The following SATB2 variants were observed in gnomAD, a reference collection of about 807,000 sequenced individuals.
SATB2 encodes SATB homeobox 2.
SATB2 carries 1 observed loss-of-function variant against 73.4 expected under a neutral mutation model. The observed-to-expected ratio is 0.01, with a 90% confidence interval of 0.00 to 0.06. SATB2 has a LOEUF of 0.06. Ranked by LOEUF, SATB2 falls within the 10% of genes least tolerant of loss-of-function variation. The pLI is 1.00. For missense variants in SATB2, 459 were observed against 945.8 expected, an observed-to-expected ratio of 0.49 and a Z score of 6.75; for synonymous variants, 397 against 367.0, an observed-to-expected ratio of 1.08 and a Z score of -0.93.
chr2:199,292,025 A>T (rs893444495), intron 10 of SATB2, among the ~76,000 whole-genome samples: 1 of 152,266 alleles, frequency 6.6e-6, no homozygotes, highest in Admixed American at 6.5e-5. Flanking sequence ...ATTTAATGAG[A>T]TATTTTGAAA....
At chr2:199,418,403 C>T (rs1447810123) in intron 3 of SATB2, among the ~76,000 whole-genome samples, 1 of 152,148 alleles carries the variant, frequency 6.6e-6, no homozygotes, top group Admixed American at 6.5e-5. Context: ...ATTGCTTATC[C>T]ACTTCTTAGG....
chr2:199,339,720 T>A (rs1244787434), intron 7 of SATB2, among the ~76,000 whole-genome samples: 1 of 152,150 alleles, frequency 6.6e-6, no homozygotes, highest in Non-Finnish European at 1.5e-5. Context: ...GCTGACAGAA[T>A]TCTGAATACC....
At chr2:199,426,493 G>C (rs1210537843) in intron 3 of SATB2, among the ~76,000 whole-genome samples, 1 of 151,372 alleles carries the variant, frequency 6.6e-6, no homozygotes, top group East Asian at 2.0e-4. Context: ...TTGGCCATCT[G>C]GTCATGTTGG....
chr2:199,351,028 C>CT (rs1688801209), intron 6 of SATB2, among the ~76,000 whole-genome samples: 4 of 114,676 alleles, frequency 3.5e-5, no homozygotes, highest in Non-Finnish European at 6.9e-5. Context: ...GACTCTGTCT[C>CT]CAAAAAAAAA....
upstream of SATB2, among the ~76,000 whole-genome samples, chr2:199,461,720 G>T (rs1015122671): frequency 6.6e-6 from 1 of 152,144 alleles, no homozygotes; most frequent in Non-Finnish European, 1.5e-5. Flanking sequence ...TTAGTAAAAG[G>T]CCGCCTGTTT....
chr2:199,346,213 A>T (rs1195830491), intron 7 of SATB2, among the ~76,000 whole-genome samples: 1 of 150,824 alleles, frequency 6.6e-6, no homozygotes, highest in Non-Finnish European at 1.5e-5. Context: ...GCAGTGGCGC[A>T]ATCTCGGCTC....
At chr2:199,411,565 TGAAG>T (rs1290653709) in intron 3 of SATB2, among the ~76,000 whole-genome samples, 1 of 152,198 alleles carries the variant, frequency 6.6e-6, no homozygotes, top group Non-Finnish European at 1.5e-5. Flanking sequence ...ACAGATAAAC[TGAAG>T]TTCATGGAGG....
At chr2:199,361,300 C>T (rs1689129898) in intron 6 of SATB2, among the ~76,000 whole-genome samples, 1 of 152,004 alleles carries the variant, frequency 6.6e-6, no homozygotes, top group African/African-American at 2.4e-5. Flanking sequence ...ATTCTGCTTG[C>T]ATGTCTCTTT....
intron 10 of SATB2, among the ~76,000 whole-genome samples, chr2:199,288,626 T>C (rs1251244492): frequency 2.0e-5 from 3 of 151,926 alleles, no homozygotes; most frequent in Non-Finnish European, 4.4e-5. Context: ...CCTCAGCATA[T>C]TTTTTGCTTT....
chr2:199,288,538 A>C (rs36011427), intron 10 of SATB2, among the ~76,000 whole-genome samples: 18,209 of 152,176 alleles, frequency 0.12, 1,198 homozygotes, highest in South Asian at 0.19. Flanking sequence ...TAATTTTTAC[A>C]GTTGGGGTAC....
chr2:199,340,448 C>A (rs974913895), intron 7 of SATB2, among the ~76,000 whole-genome samples: 8 of 152,096 alleles, frequency 5.3e-5, no homozygotes, highest in African/African-American at 1.9e-4. Context: ...AAATTAGAGA[C>A]TTACTGTTAC....
At chr2:199,394,018 T>C (rs1690226886) in intron 3 of SATB2, among the ~76,000 whole-genome samples, 1 of 152,178 alleles carries the variant, frequency 6.6e-6, no homozygotes, top group African/African-American at 2.4e-5. Context: ...TAAATATAAT[T>C]GTATTCATTA....
At chr2:199,458,484 G>A (rs984263712), upstream of SATB2, 5 of 390,976 alleles carry the variant, frequency 1.3e-5, no homozygotes, top group Admixed American at 2.9e-5. Context: ...CGGCCAGCGG[G>A]TGGGTGCGTC....
chr2:199,372,529 T>C (rs753452915), intron 5 of SATB2, among the ~76,000 whole-genome samples: 14 of 152,174 alleles, frequency 9.2e-5, no homozygotes, highest in Non-Finnish European at 1.8e-4. Context: ...CATGGTTCCA[T>C]TTTCAAACTG....
At chr2:199,413,274 A>G (rs1574605042) in intron 3 of SATB2, among the ~76,000 whole-genome samples, 2 of 152,202 alleles carry the variant, frequency 1.3e-5, no homozygotes, top group South Asian at 4.1e-4. Flanking sequence ...AATTTTATAG[A>G]TAAGAAAACT....
rs1182021229 is a variant in SATB2, at chr2:199,455,444, T to A, written c.169+425A>T. 6.6e-6 allele frequency among the ~76,000 whole-genome samples: 1 copy of A among 152,214 alleles called. No individual in the cohort carries two copies. The highest frequency in any genetic ancestry group is 2.4e-5 in the African/African-American group (1 of 41,448). On this transcript the variant is annotated intron_variant, in intron 2 of 10. Transcript: ENST00000417098. This position sits in a 1 kb window ranked among gnomAD's most constrained non-coding sequence, Gnocchi z 4.1. ...GCACTGTCCTCACTACAAAGTAACA[T>A]CAACTCTCCTTGTTCCTGTACTCGC... is the stretch of plus-strand genomic sequence containing the variant.
At chr2:199,447,219 G>A (rs1313916942) in intron 2 of SATB2, among the ~76,000 whole-genome samples, 5 of 152,164 alleles carry the variant, frequency 3.3e-5, no homozygotes, top group African/African-American at 7.2e-5. Flanking sequence ...CGGTTCATTC[G>A]GAGTTGCTGA....
intron 6 of SATB2, among the ~76,000 whole-genome samples, chr2:199,366,936 A>G (rs1302457417): frequency 1.3e-5 from 2 of 152,116 alleles, no homozygotes; most frequent in Admixed American, 6.6e-5. Context: ...ACACACACAC[A>G]TTCTGTAGTG....
chr2:199,392,532 T>C (rs1414771876), intron 3 of SATB2, among the ~76,000 whole-genome samples: 1 of 152,182 alleles, frequency 6.6e-6, no homozygotes, highest in East Asian at 1.9e-4. Flanking sequence ...TTCTAACAAC[T>C]CTGGCTACAG....
Sources: allele counts gnomAD v4.1 joint callset (sites outside exome capture counted in the v4.1 genomes callset), GRCh38; gene constraint gnomAD v4.1.1; non-coding constraint Gnocchi (gnomAD v3.1); transcripts MANE v1.5; gene names NCBI Gene and HGNC (gene_info 2026-07-23, HGNC 2026-07-21).